ADCY8: variants seen among roughly 807,000 people sequenced by gnomAD.
ADCY8 encodes the protein adenylate cyclase 8.
A neutral mutation model predicts 119.7 loss-of-function variants in ADCY8; 51 were observed. That is an observed-to-expected ratio of 0.43 (90% CI 0.34 to 0.54). The LOEUF (loss-of-function observed/expected upper bound fraction) is 0.54. Among genes scored for constraint, ADCY8 ranks in the 20% least tolerant of loss-of-function variants. The pLI is 0.03. For synonymous variants in ADCY8, 665 were observed against 651.0 expected, an observed-to-expected ratio of 1.02 and a Z score of -0.33; for missense variants, 1,383 against 1,598.8, an observed-to-expected ratio of 0.87 and a Z score of 2.30.
rs1393976873 is a variant in ADCY8 at position 130,918,357 on chromosome 8, G to A, written c.1482-8491C>T. On this transcript the variant is annotated intron_variant, in intron 5 of 17. Transcript: ENST00000286355. ...CTCTCTGGGGTCTCTTCTAATAAGG[G>A]CACTAAGCCTCATTTAAACCTAATT... Among the ~76,000 whole-genome samples, 4 of 152,084 alleles carry A rather than the reference G, an allele frequency of 2.6e-5. No homozygotes were observed. The East Asian group carries it at 7.7e-4, about 29-fold the overall frequency.
At position 131,023,742 on chromosome 8, in the gene ADCY8, A is replaced by G. The variant is rs887284080; in HGVS notation, c.960+15632T>C. ...CCCAGTTTGAAATCTGCACATGTGC[A>G]TGAGATATGCCCAAGGAGATCAATT... On this transcript the variant is annotated intron_variant, in intron 1 of 17. Coordinates refer to ENST00000286355, the MANE Select transcript of ADCY8 (RefSeq NM_001115.3). Among the ~76,000 whole-genome samples the G allele has an allele frequency of 6.6e-5, 10 of 152,232 alleles. 1 individual carries two copies. Among genetic ancestry groups the G allele is most frequent in the African/African-American group, 2.2e-4 (9 of 41,474 alleles).
intron 6 of ADCY8, among the ~76,000 whole-genome samples, chr8:130,907,310 C>T (rs1396167097): frequency 6.6e-6 from 1 of 151,860 alleles, no homozygotes; most frequent in Non-Finnish European, 1.5e-5. Context: ...GTTTGAGAAC[C>T]GTTCTTCTAG....
At chr8:130,849,032 C>T (rs542329607) in intron 10 of ADCY8, among the ~76,000 whole-genome samples, 6 of 152,226 alleles carry the variant, frequency 3.9e-5, no homozygotes, top group African/African-American at 1.4e-4. Context: ...ATAGTAGGTG[C>T]TCAATAAATG....
chr8:130,984,888 A>C lies in ADCY8; in HGVS notation c.1110+5505T>G, dbSNP rs1028728663. ...TGCTGGTGGTGGGCATCTGGATCTCAGAAAAGAATGTAATGTTAGAGATGC... is the reference window on the plus strand; with the variant it reads ...TGCTGGTGGTGGGCATCTGGATCTCCGAAAAGAATGTAATGTTAGAGATGC... On this transcript the variant is annotated intron_variant, in intron 2 of 17. Coordinates refer to ENST00000286355, the MANE Select transcript of ADCY8 (RefSeq NM_001115.3). 9.2e-5 allele frequency among the ~76,000 whole-genome samples: 14 copies of C among 152,172 alleles called. 1 individual carries two copies. Among genetic ancestry groups the C allele is most frequent in the Non-Finnish European group, 2.9e-5 (2 of 68,010 alleles).
In ADCY8 at chr8:131,036,962, A is replaced by G. The variant is rs201253185; in HGVS notation, c.960+2412T>C. Among the ~76,000 whole-genome samples the G allele has an allele frequency of 2.3e-4, 35 of 152,352 alleles. No homozygotes were observed. The East Asian group carries it at 6.7e-3, about 29-fold the overall frequency. On this transcript the variant is annotated intron_variant, in intron 1 of 17. Coordinates refer to ENST00000286355, the MANE Select transcript of ADCY8 (RefSeq NM_001115.3). ...AAGAAGTGTTTAGCAGGTTTTGAGC[A>G]TTCCTTATGTGTTACCAGACATGGA...
At chr8:130,851,996 T>C (rs1037602435) in intron 9 of ADCY8, among the ~76,000 whole-genome samples, 1 of 152,084 alleles carries the variant, frequency 6.6e-6, no homozygotes, top group Non-Finnish European at 1.5e-5. Context: ...AAGGATAGTG[T>C]GTACAGCAAG....
chr8:130,955,832 C>T (rs963652800), intron 2 of ADCY8, among the ~76,000 whole-genome samples: 1 of 152,172 alleles, frequency 6.6e-6, no homozygotes, highest in Non-Finnish European at 1.5e-5. Context: ...TTATTAAATG[C>T]AACTCATCTG....
chr8:130,816,865 C>A (rs73716628), intron 13 of ADCY8, among the ~76,000 whole-genome samples: 1,866 of 152,260 alleles, frequency 0.012, 29 homozygotes, highest in African/African-American at 0.043. Flanking sequence ...TTAATTATGT[C>A]TTGTTTTAAG....
intron 2 of ADCY8, among the ~76,000 whole-genome samples, chr8:130,975,278 TC>T (rs1157881477): frequency 6.6e-6 from 1 of 152,232 alleles, no homozygotes; most frequent in Admixed American, 6.5e-5. Flanking sequence ...CACATATCTC[TC>T]TACCATCCCA....
chr8:131,006,701 T>A (rs1249915467), intron 1 of ADCY8, among the ~76,000 whole-genome samples: 1 of 152,032 alleles, frequency 6.6e-6, no homozygotes, highest in Admixed American at 6.5e-5. Flanking sequence ...GCAACATTGA[T>A]AAAAAGGGAA....
chr8:130,855,961 C>G (rs1392263855), intron 9 of ADCY8, among the ~76,000 whole-genome samples: 1 of 152,176 alleles, frequency 6.6e-6, no homozygotes. Flanking sequence ...TCATCTCTTT[C>G]ATTAAAATGC....
rs370861653 is a variant in ADCY8 at position 130,904,323 on chromosome 8, T to C, written c.1641-281A>G. ...CCTAAGCACATCTTTTGGCTTTTCT[T>C]ATGATTGTCAGCCTGATCCCAGCAA... On this transcript the variant is annotated intron_variant, in intron 6 of 17. Coordinates refer to ENST00000286355, the MANE Select transcript of ADCY8 (RefSeq NM_001115.3). Among the ~76,000 whole-genome samples, 99 of 152,238 alleles carry C rather than the reference T, an allele frequency of 6.5e-4. No homozygotes were observed. The South Asian group carries it at 0.02, about 31-fold the overall frequency.
At chr8:130,867,789 C>A in intron 9 of ADCY8, 57 bp downstream of exon 9, 1 of 1,291,398 alleles carries the variant, frequency 7.7e-7, no homozygotes, top group Non-Finnish European at 1.1e-6. Context: ...TGGCTGACTC[C>A]ACATGAGGAA....
At chr8:130,951,723 T>A (rs921090622) in intron 3 of ADCY8, 145 bp downstream of exon 3, 1 of 963,456 alleles carries the variant, frequency 1.0e-6, no homozygotes, top group Non-Finnish European at 1.5e-6. Flanking sequence ...AACTCTCTGA[T>A]GAATAATCAC....
chr8:130,801,385 C>T (rs1188929097), intron 14 of ADCY8, among the ~76,000 whole-genome samples: 2 of 152,176 alleles, frequency 1.3e-5, no homozygotes, highest in East Asian at 3.8e-4. Flanking sequence ...TCTTCTCTTT[C>T]ACTTCAACTC....
intron 3 of ADCY8, among the ~76,000 whole-genome samples, chr8:130,947,835 T>TG (rs1416183717): frequency 6.6e-6 from 1 of 152,182 alleles, no homozygotes; most frequent in African/African-American, 2.4e-5. Context: ...AAAAGAACCA[T>TG]GACAGAGAAG....
rs555027394 is a variant in ADCY8 at position 130,861,596 on chromosome 8, G to A, written c.2210+6250C>T. ...TTTGGTGGGTCCTTTGGGATTTTCT[G>A]TATAGAAAGTTATGTCATTGGTAGA... On this transcript the variant is annotated intron_variant, in intron 9 of 17. Coordinates refer to ENST00000286355, the MANE Select transcript of ADCY8 (RefSeq NM_001115.3). Among the ~76,000 whole-genome samples the A allele has an allele frequency of 2.0e-5, 3 of 152,186 alleles. No homozygotes were observed. The East Asian group carries it at 5.8e-4, about 29-fold the overall frequency.
chr8:130,976,123 C>A (rs549278220), intron 2 of ADCY8, among the ~76,000 whole-genome samples: 4 of 152,184 alleles, frequency 2.6e-5, no homozygotes, highest in Non-Finnish European at 4.4e-5. Flanking sequence ...ATTCTGTCTA[C>A]TCCAAGGGGA....
At chr8:130,892,886 C>T (rs1819237488) in intron 7 of ADCY8, 1 of 152,080 alleles carries the variant, frequency 6.6e-6, no homozygotes, top group South Asian at 2.1e-4. Flanking sequence ...AGGAATCCAG[C>T]CAGGTTAACT....
Sources: gnomAD v4.1 joint callset for allele counts (sites outside exome capture counted in the v4.1 genomes callset) on GRCh38, gnomAD v4.1.1 for gene constraint, MANE v1.5 for transcripts, NCBI Gene and HGNC (gene_info 2026-07-23, HGNC 2026-07-21) for gene names.